Variants in GLI2 observed in about 807,000 individuals in gnomAD.
The protein encoded by GLI2 is GLI family zinc finger 2, also known as transcription activator GLI2.
Under a neutral mutation model 78.9 loss-of-function variants are expected in GLI2, and 22 were observed. The ratio of observed to expected loss-of-function variants is 0.28; its 90% CI spans 0.20 to 0.40. The LOEUF (loss-of-function observed/expected upper bound fraction) is 0.40, where lower values mean the gene tolerates loss of function less well. GLI2 is among the 10% of genes least tolerant of loss of function. GLI2 has a pLI of 1.00. For missense variants in GLI2, 2,097 were observed against 2,213.2 expected, an observed-to-expected ratio of 0.95 and a Z score of 1.05; for synonymous variants, 974 against 963.7, an observed-to-expected ratio of 1.01 and a Z score of -0.20.
intron 2 of GLI2, among the ~76,000 whole-genome samples, chr2:120,845,561 G>C (rs549706004): frequency 1.3e-5 from 2 of 152,268 alleles, no homozygotes; most frequent in Admixed American, 1.3e-4. Context: ...CCCAGTTTTG[G>C]GTGGCCTGGG....
At chr2:120,760,857 C>T (rs994696923) in intron 1 of GLI2, among the ~76,000 whole-genome samples, 14 of 152,220 alleles carry the variant, frequency 9.2e-5, no homozygotes, top group African/African-American at 3.1e-4. Flanking sequence ...ATTAGGCATG[C>T]TTTTCTCCTC....
intron 2 of GLI2, among the ~76,000 whole-genome samples, chr2:120,915,853 T>TTGCAG (rs1402021705): frequency 6.6e-6 from 1 of 152,222 alleles, no homozygotes; most frequent in East Asian, 1.9e-4. Flanking sequence ...CCCAGACCCC[T>TTGCAG]TGCAGCTGCT....
At chr2:120,787,579 T>G (rs1301918420) in intron 1 of GLI2, among the ~76,000 whole-genome samples, 1 of 152,114 alleles carries the variant, frequency 6.6e-6, no homozygotes, top group Non-Finnish European at 1.5e-5. Context: ...CCCGGGGCAG[T>G]GTGATTTTCC....
Position 120,768,316 on chromosome 2 carries a change from G to A in GLI2, c.-30-28975G>A, listed in dbSNP as rs548683057. On this transcript the variant is annotated intron_variant, in intron 1 of 13. Transcript: ENST00000361492. Reference sequence around the variant, plus strand: ...AAGCACTGAGCCAGAGAGGAGAAGCGCCCTCAGAGCTGGGGTTCCTGGCGA... The same window carrying A: ...AAGCACTGAGCCAGAGAGGAGAAGCACCCTCAGAGCTGGGGTTCCTGGCGA... Among the ~76,000 whole-genome samples the A allele has an allele frequency of 7.9e-5, 12 of 152,310 alleles. No homozygotes were observed. The East Asian group carries it at 2.1e-3, about 27-fold the overall frequency.
intron 3 of GLI2, among the ~76,000 whole-genome samples, chr2:120,936,863 C>T (rs1359084596): frequency 6.6e-6 from 1 of 152,174 alleles, no homozygotes; most frequent in Non-Finnish European, 1.5e-5. Context: ...CCACTCCTGC[C>T]AGCCCGAGTC....
At chr2:120,948,480 G>C (rs765160338) in intron 3 of GLI2, among the ~76,000 whole-genome samples, 11 of 152,156 alleles carry the variant, frequency 7.2e-5, no homozygotes, top group Non-Finnish European at 1.2e-4. Context: ...CACCGTGGAG[G>C]CGGAAGTCCC....
Position 120,791,723 on chromosome 2 carries a change from G to A in GLI2, c.-30-5568G>A, listed in dbSNP as rs200765625. ...CTACATGTATCCTGTATGTGTGCAC[G>A]TGTGTGGCTGCATATGTGCTGTGAG... On this transcript the variant is annotated intron_variant, in intron 1 of 13. Transcript: ENST00000361492. 6.6e-5 allele frequency among the ~76,000 whole-genome samples: 10 copies of A among 152,336 alleles called. No individual in the cohort carries two copies. In the East Asian group the frequency reaches 9.6e-4, roughly 15 times the overall value.
Position 120,984,725 on chromosome 2 carries a change from C to A in GLI2, c.1887C>A (p.Ile629=). 1 of 1,613,024 alleles carries A rather than the reference C, an allele frequency of 6.2e-7. No homozygotes were observed. The highest frequency in any genetic ancestry group is 1.1e-5 in the South Asian group (1 of 91,070). ...AGGACTGCCTGCACGTCAGAGCCAT[C>A]AAGACCGAGAGCTCCGGGGTAAGCG... ...AVEDCLHVRA[I]KTESSGLCQS... The change falls in exon 12 of 14, where the codon ATC becomes ATA. Residue 629 remains isoleucine (I), a synonymous_variant. Coordinates refer to ENST00000361492, the MANE Select transcript of GLI2 (RefSeq NM_001374353.1).
intron 2 of GLI2, among the ~76,000 whole-genome samples, chr2:120,862,570 G>T (rs1314246358): frequency 6.6e-6 from 1 of 152,222 alleles, no homozygotes; most frequent in Non-Finnish European, 1.5e-5. Flanking sequence ...GGGAGCCGGA[G>T]CCCTTGTGGG....
chr2:120,927,588 T>A (rs1658117692), intron 3 of GLI2, 122 bp downstream of exon 3: 1 of 773,542 alleles, frequency 1.3e-6, no homozygotes, highest in Admixed American at 1.8e-5. Context: ...TGATCTACAT[T>A]GTCCTGAGCG....
intron 2 of GLI2, among the ~76,000 whole-genome samples, chr2:120,844,084 C>T (rs1687004568): frequency 6.6e-6 from 1 of 152,140 alleles, no homozygotes; most frequent in African/African-American, 2.4e-5. Context: ...ACCAAAGAAC[C>T]CTGAGTAGCT....
chr2:120,852,284 G>T (rs1270482751), intron 2 of GLI2, among the ~76,000 whole-genome samples: 4 of 152,154 alleles, frequency 2.6e-5, no homozygotes, highest in African/African-American at 4.8e-5. Context: ...GCACAGAGAC[G>T]GATGGGCAGA....
At chr2:120,820,856 C>T (rs1301670658) in intron 2 of GLI2, among the ~76,000 whole-genome samples, 1 of 152,138 alleles carries the variant, frequency 6.6e-6, no homozygotes, top group Non-Finnish European at 1.5e-5. Context: ...TTCTCTATGC[C>T]ACTTGGGGTG....
intron 2 of GLI2, among the ~76,000 whole-genome samples, chr2:120,822,387 A>G (rs1265517072): frequency 6.6e-6 from 1 of 152,204 alleles, no homozygotes; most frequent in Non-Finnish European, 1.5e-5. Flanking sequence ...AAACAGCCCG[A>G]TGGGCCCTAA....
chr2:120,913,759 G>A (rs915751258), intron 2 of GLI2, among the ~76,000 whole-genome samples: 16 of 152,332 alleles, frequency 1.1e-4, no homozygotes, highest in African/African-American at 3.8e-4. Flanking sequence ...TGTCCAGGTG[G>A]CTGATTCCGC....
chr2:120,763,079 T>G (rs894152071), intron 1 of GLI2, among the ~76,000 whole-genome samples: 2 of 152,188 alleles, frequency 1.3e-5, no homozygotes, highest in African/African-American at 4.8e-5. Flanking sequence ...GCAGCCCTGC[T>G]CCCTCTCTGT....
At chr2:120,756,016 C>G (rs554136527) in intron 1 of GLI2, among the ~76,000 whole-genome samples, 3 of 152,102 alleles carry the variant, frequency 2.0e-5, no homozygotes, top group African/African-American at 4.8e-5. Context: ...GCTTAGCTCT[C>G]TAAGTATTCT....
intron 2 of GLI2, among the ~76,000 whole-genome samples, chr2:120,804,242 C>G (rs1017153133): frequency 3.3e-5 from 5 of 152,218 alleles, no homozygotes; most frequent in Non-Finnish European, 7.3e-5. Flanking sequence ...TCCAATACCC[C>G]TCCATTGGTA....
intron 1 of GLI2, among the ~76,000 whole-genome samples, chr2:120,763,910 G>A (rs763828438): frequency 1.2e-4 from 19 of 152,246 alleles, no homozygotes; most frequent in Non-Finnish European, 2.5e-4. Flanking sequence ...CAACAAGTGG[G>A]CCTTTTATGC....
Sources: allele counts gnomAD v4.1 joint callset (sites outside exome capture counted in the v4.1 genomes callset), GRCh38; gene constraint gnomAD v4.1.1; transcripts MANE v1.5; gene names NCBI Gene and HGNC (gene_info 2026-07-23, HGNC 2026-07-21).